The following ELP2 variants were observed in gnomAD, a reference collection of about 807,000 sequenced individuals.
ELP2 encodes the protein elongator acetyltransferase complex subunit 2, also known as elongator complex protein 2.
In ELP2, 90 loss-of-function variants were observed where a neutral mutation model predicts 119.2. The ratio of observed to expected loss-of-function variants is 0.75; its 90% CI spans 0.64 to 0.90. The LOEUF (loss-of-function observed/expected upper bound fraction) is 0.90, where lower values mean the gene tolerates loss of function less well. Ranked by LOEUF, ELP2 falls within the 40% of genes least tolerant of loss-of-function variation. ELP2 has a pLI of 0.00. For missense variants in ELP2, 921 were observed against 967.8 expected (o/e 0.95, Z 0.64); for synonymous variants, 339 against 331.0 (o/e 1.02, Z -0.26).
chr18:36,143,886 G>T lies in ELP2; in HGVS notation c.796+920G>T, dbSNP rs370784739. 5.9e-5 allele frequency among the ~76,000 whole-genome samples: 9 copies of T among 152,292 alleles called. No homozygotes were observed. In the East Asian group the frequency reaches 1.5e-3, roughly 26 times the overall value. The stretch of plus-strand genomic sequence containing the variant: ...GCATAGGAAGACCTAAAGGAATAAT[G>T]TGAATTACTTACACATTTTATTGGC... On this transcript the variant is annotated intron_variant, in intron 8 of 21. Coordinates refer to ENST00000358232, the MANE Select transcript of ELP2 (RefSeq NM_018255.4).
At chr18:36,141,300 T>C (rs1598750756) in intron 6 of ELP2, 99 bp downstream of exon 6, 1 of 1,026,670 alleles carries the variant, frequency 9.7e-7, no homozygotes, top group East Asian at 2.5e-5. Flanking sequence ...AATGTTCTAA[T>C]CTAAACCAAA....
At chr18:36,145,301 A>T in intron 9 of ELP2, 1 of 416,438 alleles carries the variant, frequency 2.4e-6, no homozygotes, top group Non-Finnish European at 4.4e-6. Context: ...AAAAGTTTCC[A>T]CTTGATTATT....
In ELP2 at chr18:36,138,372, G is replaced by T; in HGVS notation, c.391G>T (p.Val131Phe). Residue 131 changes from valine (V) to phenylalanine (F), a missense_variant, in exon 4 of 22, where the codon GTT becomes TTT. Transcript: ENST00000358232. Reference protein sequence around the residue: ...TSDPALCTLIVSAAADSAVRL... With the variant: ...TSDPALCTLIFSAAADSAVRL... Reference sequence around the variant, plus strand: ...AGATCCTGCATTATGTACACTGATCGTTTCTGCAGCTGCAGATTCTGCTGT... The same window carrying T: ...AGATCCTGCATTATGTACACTGATCTTTTCTGCAGCTGCAGATTCTGCTGT... The T allele has an allele frequency of 6.2e-7, 1 of 1,614,062 alleles. No homozygotes were observed.
chr18:36,156,772 T>G, intron 13 of ELP2, 118 bp downstream of exon 13: 1 of 971,440 alleles, frequency 1.0e-6, no homozygotes, highest in South Asian at 1.5e-5. Context: ...TATTGTTTCT[T>G]AATGTAAGAT....
In ELP2 at chr18:36,152,429, C is replaced by T. The variant is rs540040502; in HGVS notation, c.1126-2421C>T. On this transcript the variant is annotated intron_variant, in intron 11 of 21. Coordinates refer to ENST00000358232, the MANE Select transcript of ELP2 (RefSeq NM_018255.4). ...CGGTTTATTGATTCTGCAGGAGTAC[C>T]ATCACATGGGGTGCCCATGTAGAAG... Among the ~76,000 whole-genome samples, 5 of 152,242 alleles carry T rather than the reference C, an allele frequency of 3.3e-5. No individual in the cohort carries two copies. The East Asian group carries it at 9.6e-4, about 29-fold the overall frequency.
At chr18:36,159,931 GA>G (rs1568012659) in intron 15 of ELP2, 26 bp from the exon 16 acceptor site, 3 of 1,613,388 alleles carry the variant, frequency 1.9e-6, no homozygotes, top group Non-Finnish European at 8.5e-7. Flanking sequence ...CTTTTACATA[GA>G]AAAAAATAGC....
In ELP2 at chr18:36,170,102, A is replaced by T; in HGVS notation, c.2116A>T (p.Ile706Phe). 1.9e-6 allele frequency: 3 copies of T among 1,614,112 alleles called. No individual in the cohort carries two copies. The highest frequency in any genetic ancestry group is 2.5e-6 in the Non-Finnish European group (3 of 1,180,024). The change falls in exon 20 of 22, where the codon ATT becomes TTT. Residue 706 changes from isoleucine (I) to phenylalanine (F), a missense_variant. Transcript: ENST00000358232. ...WGECDSTDDC[I>F]EHNIGPCSSV... ...TGAGTGCGACTCCACTGATGACTGT[A>T]TTGAGCACAACATTGGCCCCTGCTC...
At chr18:36,158,336 C>T (rs763668462) in intron 13 of ELP2, among the ~76,000 whole-genome samples, 30 of 152,194 alleles carry the variant, frequency 2.0e-4, no homozygotes, top group African/African-American at 2.9e-4. Flanking sequence ...GACACTCATA[C>T]GAAGTTTTAA....
At chr18:36,163,449 T>C (rs1319463189) in intron 17 of ELP2, among the ~76,000 whole-genome samples, 3 of 152,228 alleles carry the variant, frequency 2.0e-5, no homozygotes, top group South Asian at 4.1e-4. Flanking sequence ...AACTAGCAGA[T>C]GTTTTATGTT....
Position 36,171,087 on chromosome 18 carries a change from T to C in ELP2, c.2251T>C (p.Leu751=), listed in dbSNP as rs1449597071. The change falls in exon 21 of 22, where the codon TTA becomes CTA. Residue 751 remains leucine (L), a synonymous_variant. Transcript: ENST00000358232. ...AVGLECGKIC[L]YTWKKTDQVP... ...AGGATTGGAGTGTGGAAAGATTTGC[T>C]TATATACCTGGAAAAAGACTGATCA... 1 of 1,614,128 alleles carries C rather than the reference T, an allele frequency of 6.2e-7. No individual in the cohort carries two copies. Among genetic ancestry groups the C allele is most frequent in the Non-Finnish European group, 8.5e-7 (1 of 1,179,936 alleles).
In ELP2 at chr18:36,139,332, G is replaced by T. The variant is rs866166011; in HGVS notation, c.523+460G>T. On this transcript the variant is annotated intron_variant, in intron 5 of 21. Coordinates refer to ENST00000358232, the MANE Select transcript of ELP2 (RefSeq NM_018255.4). ...CTGCAAACAGAAAAATTTCCCTTTT[G>T]CTGTGAAACCCATCTGTATTTATCT... The T allele has an allele frequency of 1.1e-4, 139 of 1,291,272 alleles. 2 individuals are homozygous for T. The Middle Eastern group carries it at 4.3e-3, about 40-fold the overall frequency. 80.0% of individuals were successfully genotyped at this position (1,291,272 alleles called of 1,614,324 possible).
At chr18:36,153,018 C>T (rs373826769) in intron 11 of ELP2, among the ~76,000 whole-genome samples, 1 of 152,172 alleles carries the variant, frequency 6.6e-6, no homozygotes, top group East Asian at 1.9e-4. Flanking sequence ...TAATTCTCTG[C>T]TTTGTGGGTG....
chr18:36,167,124 T>C lies in ELP2; in HGVS notation c.1978T>C (p.Phe660Leu), dbSNP rs1372441110. ...AGAGCCAGTTTTTAGTCTTTTTGCC[T>C]TCACCAACAAAATTACTTCTGTGCA... ...EFEPVFSLFAFTNKITSVHSR... is the reference protein window; with the variant it reads ...EFEPVFSLFALTNKITSVHSR... Residue 660 changes from phenylalanine to leucine, a missense_variant, in exon 19 of 22, where the codon TTC becomes CTC. Transcript: ENST00000358232. The C allele has an allele frequency of 6.3e-7, 1 of 1,599,592 alleles. No individual in the cohort carries two copies. The highest frequency in any genetic ancestry group is 1.1e-5 in the South Asian group (1 of 87,106).
intron 14 of ELP2, among the ~76,000 whole-genome samples, chr18:36,159,124 T>G (rs928865413): frequency 6.6e-6 from 1 of 151,844 alleles, no homozygotes; most frequent in Non-Finnish European, 1.5e-5. Context: ...CTTTTTTTTT[T>G]TTTTTTGAGA....
chr18:36,149,515 T>C (rs528423490), intron 11 of ELP2, among the ~76,000 whole-genome samples: 1 of 112,030 alleles, frequency 8.9e-6, no homozygotes, highest in East Asian at 3.0e-4. Context: ...TTAGAAATCA[T>C]CCCTGCTGTT....
At position 36,177,562 on chromosome 18, in the gene ELP2, T is replaced by G. The variant is rs532969337; in HGVS notation, c.*2921T>G. The G allele has an allele frequency of 6.6e-6, 1 of 152,212 alleles. No individual in the cohort carries two copies. The highest frequency in any genetic ancestry group is 1.5e-5 in the Non-Finnish European group (1 of 68,038). The allele number at this position is 152,212 out of a possible 1,614,324, so 9.4% of individuals were successfully genotyped here. A position where few individuals can be genotyped will look rare whatever the true frequency, so the allele number is the denominator to read the frequency against. On this transcript the variant is annotated 3_prime_UTR_variant, in exon 22 of 22. Coordinates refer to ENST00000358232, the MANE Select transcript of ELP2 (RefSeq NM_018255.4). ...TTCAGTTTTGCAAGATAAAAAGTCCTGTGGATTGGTTGCACAGTTAAGTTA... is the reference window on the plus strand; with the variant it reads ...TTCAGTTTTGCAAGATAAAAAGTCCGGTGGATTGGTTGCACAGTTAAGTTA...
At position 36,177,196 on chromosome 18, in the gene ELP2, G is replaced by A. The variant is rs2091245114; in HGVS notation, c.*2555G>A. The A allele has an allele frequency of 6.6e-6, 1 of 151,912 alleles. No homozygotes were observed. The highest frequency in any genetic ancestry group is 2.1e-4 in the South Asian group (1 of 4,830). 9.4% of individuals were successfully genotyped at this position (151,912 alleles called of 1,614,324 possible). ...CAAGCACTGTAAAATATTAGTGGTA[G>A]TTTTTGTATGCCCATACTCACGGCA... On this transcript the variant is annotated 3_prime_UTR_variant, in exon 22 of 22. Transcript: ENST00000358232.
In ELP2 at chr18:36,160,874, G is replaced by T; in HGVS notation, c.1689-58G>T. On this transcript the variant is annotated intron_variant, in intron 16 of 21. Coordinates refer to ENST00000358232, the MANE Select transcript of ELP2 (RefSeq NM_018255.4). ...GTTATTCTTTTTACTTTCAAAAATTGTGTGGCATGAGAATAGATTCATTTG... is the reference window on the plus strand; with the variant it reads ...GTTATTCTTTTTACTTTCAAAAATTTTGTGGCATGAGAATAGATTCATTTG... The T allele has an allele frequency of 2.6e-6, 3 of 1,137,346 alleles. No individual in the cohort carries two copies. In the South Asian group the frequency reaches 3.7e-5, roughly 14 times the overall value. The allele number at this position is 1,137,346 out of a possible 1,614,324, so 70.5% of individuals were successfully genotyped here. A position where few individuals can be genotyped will look rare whatever the true frequency, so the allele number is the denominator to read the frequency against.
Position 36,159,941 on chromosome 18 carries a change from G to A in ELP2, c.1631-17G>A, listed in dbSNP as rs764719023. ...ATTCACTTTTACATAGAAAAAAATA[G>A]CTTCAATTTATTCTAGAGCCTCCCA... On this transcript the variant is annotated splice_polypyrimidine_tract_variant and intron_variant, in intron 15 of 21. Coordinates refer to ENST00000358232, the MANE Select transcript of ELP2 (RefSeq NM_018255.4). 20 of 1,613,824 alleles carry A rather than the reference G, an allele frequency of 1.2e-5. No individual in the cohort carries two copies. Among genetic ancestry groups the A allele is most frequent in the Non-Finnish European group, 1.5e-5 (18 of 1,179,816 alleles).
Sources: gnomAD v4.1 joint callset for allele counts (sites outside exome capture counted in the v4.1 genomes callset) on GRCh38, gnomAD v4.1.1 for gene constraint, MANE v1.5 for transcripts, NCBI Gene and HGNC (gene_info 2026-07-23, HGNC 2026-07-21) for gene names.